RALGPS1: variants seen among roughly 807,000 people sequenced by gnomAD.
The protein encoded by RALGPS1 is ras-specific guanine nucleotide-releasing factor RalGPS1.
In RALGPS1, 19 loss-of-function variants were observed where a neutral mutation model predicts 78.8. The observed-to-expected ratio is 0.24, with a 90% CI of 0.17 to 0.35. The LOEUF is 0.35. Among genes scored for constraint, RALGPS1 ranks in the 10% least tolerant of loss-of-function variants. RALGPS1 has a pLI of 1.00. For missense variants in RALGPS1, 454 were observed against 688.3 expected, an observed-to-expected ratio of 0.66 and a Z score of 3.81; for synonymous variants, 228 against 256.3, an observed-to-expected ratio of 0.89 and a Z score of 1.06.
chr9:127,006,760 C>G (rs948557758), intron 4 of RALGPS1, among the ~76,000 whole-genome samples: 18 of 152,212 alleles, frequency 1.2e-4, no homozygotes, highest in African/African-American at 4.3e-4. Flanking sequence ...AGATATAAAC[C>G]TAGGTGGTCT....
At chr9:127,028,166 C>T (rs1282152161) in intron 4 of RALGPS1, among the ~76,000 whole-genome samples, 3 of 152,218 alleles carry the variant, frequency 2.0e-5, no homozygotes, top group Admixed American at 6.5e-5. Context: ...CTGGGCTGGC[C>T]CTAACTCAGG....
chr9:127,092,893 G>T lies in RALGPS1; in HGVS notation c.610+23537G>T, dbSNP rs76452626. ...GAAGGGGCATGGCAGAGCCATGTGT[G>T]CAAGGCATCATGGCTTCAGGTAGTT... On this transcript the variant is annotated intron_variant, in intron 8 of 18. Transcript: ENST00000259351. Among the ~76,000 whole-genome samples the T allele has an allele frequency of 1.4e-3, 212 of 152,252 alleles. 5 individuals carry two copies. The East Asian group carries it at 0.039, about 28-fold the overall frequency.
At chr9:126,937,379 A>G (rs564205052) in intron 1 of RALGPS1, among the ~76,000 whole-genome samples, 1 of 152,292 alleles carries the variant, frequency 6.6e-6, no homozygotes, top group South Asian at 2.1e-4. Flanking sequence ...CACACAGAAC[A>G]TGGCCACATA....
intron 7 of RALGPS1, among the ~76,000 whole-genome samples, chr9:127,066,573 AG>A (rs1192670786): frequency 6.6e-6 from 1 of 152,140 alleles, no homozygotes; most frequent in Non-Finnish European, 1.5e-5. Context: ...CCCAGGAGTC[AG>A]GGGTTGCAGT....
At chr9:127,136,426 G>A (rs983333390) in intron 8 of RALGPS1, among the ~76,000 whole-genome samples, 2 of 152,260 alleles carry the variant, frequency 1.3e-5, no homozygotes, top group South Asian at 2.1e-4. Context: ...CCCTCTTCCC[G>A]GGACCCTGCT....
At chr9:127,037,994 G>A (rs2047000445) in intron 5 of RALGPS1, among the ~76,000 whole-genome samples, 1 of 152,192 alleles carries the variant, frequency 6.6e-6, no homozygotes, top group African/African-American at 2.4e-5. Context: ...AGAAGCTATG[G>A]ATGAGGGCCA....
chr9:127,052,729 C>G, intron 6 of RALGPS1, 118 bp from the exon 7 acceptor site: 1 of 677,414 alleles, frequency 1.5e-6, no homozygotes, highest in Non-Finnish European at 2.6e-6. Context: ...ATGTTTTCCA[C>G]ATGAGATATT....
At chr9:127,034,554 TCTG>T in intron 5 of RALGPS1, 40 bp downstream of exon 5, 1 of 1,559,040 alleles carries the variant, frequency 6.4e-7, no homozygotes, top group Non-Finnish European at 8.8e-7. Context: ...CAGAGAGCAA[TCTG>T]CTGCTGTCCC....
intron 11 of RALGPS1, among the ~76,000 whole-genome samples, chr9:127,182,935 G>C (rs2060375067): frequency 6.6e-6 from 1 of 152,158 alleles, no homozygotes; most frequent in Non-Finnish European, 1.5e-5. Context: ...TACAAGCATG[G>C]CACCAACATC....
chr9:126,938,459 C>A (rs2036466981), intron 1 of RALGPS1, among the ~76,000 whole-genome samples: 1 of 152,110 alleles, frequency 6.6e-6, no homozygotes, highest in South Asian at 2.1e-4. Flanking sequence ...GCCCAGCAGG[C>A]ATGGAGGCCA....
At chr9:127,131,844 C>G in intron 8 of RALGPS1, among the ~76,000 whole-genome samples, 1 of 152,176 alleles carries the variant, frequency 6.6e-6, no homozygotes, top group South Asian at 2.1e-4. Flanking sequence ...CTCACCACTT[C>G]AGCCCATCCT....
chr9:127,158,410 T>C (rs1481613645), intron 8 of RALGPS1, among the ~76,000 whole-genome samples: 1 of 152,166 alleles, frequency 6.6e-6, no homozygotes, highest in Admixed American at 6.5e-5. Flanking sequence ...TAAGCATTCA[T>C]TTCATCTAGA....
intron 7 of RALGPS1, among the ~76,000 whole-genome samples, chr9:127,060,454 T>G (rs1273362644): frequency 6.6e-6 from 1 of 152,140 alleles, no homozygotes; most frequent in Non-Finnish European, 1.5e-5. Flanking sequence ...AGTAAATACA[T>G]GAAAAAATGT....
chr9:127,037,131 G>T (rs2046929013), intron 5 of RALGPS1, among the ~76,000 whole-genome samples: 1 of 152,166 alleles, frequency 6.6e-6, no homozygotes, highest in Non-Finnish European at 1.5e-5. Context: ...GAATATAAAC[G>T]GGTCACCCCA....
intron 18 of RALGPS1, chr9:127,216,172 A>T (rs1476940085): frequency 2.0e-5 from 3 of 152,234 alleles, no homozygotes; most frequent in African/African-American, 7.2e-5. Flanking sequence ...CTCTGTGCTC[A>T]GCTCGGTCTG....
chr9:127,133,328 A>G (rs1404247836), intron 8 of RALGPS1, among the ~76,000 whole-genome samples: 1 of 152,254 alleles, frequency 6.6e-6, no homozygotes, highest in Non-Finnish European at 1.5e-5. Flanking sequence ...AAAGATCCTC[A>G]GGCTTCTGAC....
intron 8 of RALGPS1, among the ~76,000 whole-genome samples, chr9:127,160,691 G>A (rs1187484718): frequency 6.6e-6 from 1 of 152,218 alleles, no homozygotes; most frequent in African/African-American, 2.4e-5. Context: ...CCTCATCCCT[G>A]TGCCAGCCAA....
intron 8 of RALGPS1, among the ~76,000 whole-genome samples, chr9:127,130,897 C>A (rs1363841289): frequency 6.6e-6 from 1 of 152,184 alleles, no homozygotes; most frequent in Non-Finnish European, 1.5e-5. Flanking sequence ...CTCTCCAGGC[C>A]CTGGGGACCA....
rs140507856 is a variant in RALGPS1, at chr9:127,091,828, C to T, written c.610+22472C>T. The T allele has an allele frequency of 4.0e-4, 642 of 1,614,188 alleles. 1 individual carries two copies. The highest frequency in any genetic ancestry group is 4.9e-4 in the Non-Finnish European group (583 of 1,180,030). On this transcript the variant is annotated intron_variant, in intron 8 of 18. Coordinates refer to ENST00000259351, the MANE Select transcript of RALGPS1 (RefSeq NM_014636.3). This position sits in a 1 kb window ranked among gnomAD's most constrained non-coding sequence, Gnocchi z 4.3. The stretch of plus-strand genomic sequence containing the variant: ...ACTGGCGTATTCTGCAAAGACTTTG[C>T]GGCCGGACCAGTCCTCCATGGTCAC...
Sources: gnomAD v4.1 joint callset for allele counts (sites outside exome capture counted in the v4.1 genomes callset) on GRCh38, gnomAD v4.1.1 for gene constraint, Gnocchi (gnomAD v3.1) non-coding constraint, MANE v1.5 for transcripts, NCBI Gene and HGNC (gene_info 2026-07-23, HGNC 2026-07-21) for gene names.